The following BTBD10 variants were observed in gnomAD, a reference collection of about 807,000 sequenced individuals.
BTBD10 encodes the protein BTB/POZ domain-containing protein 10.
Under a neutral mutation model 53.2 loss-of-function variants are expected in BTBD10, and 21 were observed. The observed-to-expected ratio is 0.39, with a 90% confidence interval of 0.28 to 0.57. The LOEUF is 0.57. Ranked by LOEUF, BTBD10 falls within the 20% of genes least tolerant of loss-of-function variation. The probability of loss-of-function intolerance (pLI) is 0.53; values close to 1 mark genes in which losing one functional copy is unlikely to be tolerated. For synonymous variants in BTBD10, 149 were observed against 192.7 expected (o/e 0.77, Z 1.88); for missense variants, 360 against 594.7 (o/e 0.61, Z 4.10).
intron 6 of BTBD10, among the ~76,000 whole-genome samples, chr11:13,409,589 A>T (rs2135786746): frequency 6.6e-6 from 1 of 152,152 alleles, no homozygotes; most frequent in South Asian, 2.1e-4. Context: ...AATATGTCAC[A>T]TTCCTTCCCA....
intron 1 of BTBD10, among the ~76,000 whole-genome samples, chr11:13,448,418 A>G (rs1023525440): frequency 4.6e-5 from 7 of 152,140 alleles, no homozygotes. Flanking sequence ...TTTATACACT[A>G]CATAGAATCT....
intron 2 of BTBD10, among the ~76,000 whole-genome samples, chr11:13,423,226 G>A (rs976075217): frequency 2.0e-5 from 3 of 152,068 alleles, no homozygotes; most frequent in South Asian, 2.1e-4. Flanking sequence ...ATATAATATG[G>A]TTCAAAAATA....
intron 2 of BTBD10, among the ~76,000 whole-genome samples, chr11:13,437,316 C>T (rs1228318075): frequency 6.6e-6 from 1 of 152,158 alleles, no homozygotes; most frequent in South Asian, 2.1e-4. Context: ...ACCCTCAGGT[C>T]TTTTTCATAT....
intron 1 of BTBD10, among the ~76,000 whole-genome samples, chr11:13,455,951 G>T (rs748410287): frequency 1.3e-5 from 2 of 152,008 alleles, no homozygotes; most frequent in Non-Finnish European, 2.9e-5. Flanking sequence ...TATTAAATAT[G>T]ATTCAAGTTC....
chr11:13,418,969 T>C (rs1246899142), intron 4 of BTBD10, among the ~76,000 whole-genome samples: 1 of 116,696 alleles, frequency 8.6e-6, no homozygotes, highest in African/African-American at 3.0e-5. Flanking sequence ...TTGTTGACAT[T>C]CCTTTTTTTT....
At chr11:13,393,838 G>A (rs1163058305) in intron 8 of BTBD10, among the ~76,000 whole-genome samples, 2 of 151,914 alleles carry the variant, frequency 1.3e-5, no homozygotes, top group Non-Finnish European at 2.9e-5. Flanking sequence ...ACACAGACTT[G>A]GATTCAAGAC....
intron 1 of BTBD10, among the ~76,000 whole-genome samples, chr11:13,449,074 T>C (rs1950801606): frequency 6.6e-6 from 1 of 152,082 alleles, no homozygotes; most frequent in Admixed American, 6.6e-5. Flanking sequence ...AAAAAGATGA[T>C]GCAATTATTT....
chr11:13,403,046 G>T, intron 8 of BTBD10, 122 bp downstream of exon 8: 1 of 633,084 alleles, frequency 1.6e-6, no homozygotes, highest in South Asian at 2.3e-5. Context: ...GCATAAGCAT[G>T]TGGTAATCAT....
At chr11:13,454,327 AGAAAATATCACATCCCT>A (rs1170289284) in intron 1 of BTBD10, among the ~76,000 whole-genome samples, 2 of 152,228 alleles carry the variant, frequency 1.3e-5, no homozygotes, top group East Asian at 3.8e-4. Flanking sequence ...GATAAAAGAC[AGAAAATATCACATCCCT>A]GAAAACATTT....
chr11:13,429,257 A>G (rs2133991006), intron 2 of BTBD10, among the ~76,000 whole-genome samples: 1 of 152,296 alleles, frequency 6.6e-6, no homozygotes, highest in Non-Finnish European at 1.5e-5. Context: ...CCCAATGGAA[A>G]ACCAAGTAGG....
At chr11:13,438,494 T>A (rs1257128788) in intron 2 of BTBD10, among the ~76,000 whole-genome samples, 1 of 152,064 alleles carries the variant, frequency 6.6e-6, no homozygotes, top group Admixed American at 6.6e-5. Flanking sequence ...AAAATATGTA[T>A]GTACAAAACA....
intron 2 of BTBD10, among the ~76,000 whole-genome samples, chr11:13,427,511 C>T (rs1283948231): frequency 6.6e-6 from 1 of 152,144 alleles, no homozygotes; most frequent in African/African-American, 2.4e-5. Context: ...GAGAACTAGA[C>T]AATTCCACAA....
At chr11:13,432,966 CTCATA>C (rs1205445029) in intron 2 of BTBD10, among the ~76,000 whole-genome samples, 1 of 151,984 alleles carries the variant, frequency 6.6e-6, no homozygotes, top group Non-Finnish European at 1.5e-5. Context: ...ATAAGTAGCA[CTCATA>C]TCAGAAAACT....
At chr11:13,391,284 A>T (rs1949399707) in intron 8 of BTBD10, among the ~76,000 whole-genome samples, 1 of 152,068 alleles carries the variant, frequency 6.6e-6, no homozygotes, top group South Asian at 2.1e-4. Flanking sequence ...CTTTTACACA[A>T]ATTGTTCTGC....
At chr11:13,448,212 C>A (rs752187445) in intron 1 of BTBD10, among the ~76,000 whole-genome samples, 1 of 152,080 alleles carries the variant, frequency 6.6e-6, no homozygotes, top group Non-Finnish European at 1.5e-5. Context: ...AAAAAAGACA[C>A]CTCTCATGAT....
chr11:13,448,060 C>T (rs1950781525), intron 1 of BTBD10, among the ~76,000 whole-genome samples: 1 of 152,138 alleles, frequency 6.6e-6, no homozygotes. Flanking sequence ...TCCTCTGTGC[C>T]ATTCTCAGTG....
intron 1 of BTBD10, among the ~76,000 whole-genome samples, chr11:13,462,326 T>C (rs1232263712): frequency 6.6e-6 from 1 of 152,202 alleles, no homozygotes; most frequent in Admixed American, 6.5e-5. Flanking sequence ...AGATAATAAA[T>C]CTTCGTAAAA....
At chr11:13,403,527 A>C (rs1949755130) in intron 7 of BTBD10, among the ~76,000 whole-genome samples, 1 of 13,474 alleles carries the variant, frequency 7.4e-5, no homozygotes, top group South Asian at 4.5e-3. Flanking sequence ...CATAGGAAGA[A>C]TCTCCTTCTG....
intron 1 of BTBD10, among the ~76,000 whole-genome samples, chr11:13,456,063 A>G (rs1241679974): frequency 6.6e-6 from 1 of 152,244 alleles, no homozygotes; most frequent in Non-Finnish European, 1.5e-5. Flanking sequence ...TAAGGAATCT[A>G]AAATTTGCCC....
Sources: gnomAD v4.1 joint callset for allele counts (sites outside exome capture counted in the v4.1 genomes callset) on GRCh38, gnomAD v4.1.1 for gene constraint, MANE v1.5 for transcripts, NCBI Gene and HGNC (gene_info 2026-07-23, HGNC 2026-07-21) for gene names.